SMG6: variants seen among roughly 807,000 people sequenced by gnomAD.
The protein encoded by SMG6 is telomerase-binding protein EST1A.
In SMG6, 66 loss-of-function variants were observed where a neutral mutation model predicts 142.2. The ratio of observed to expected loss-of-function variants is 0.46; its 90% CI spans 0.38 to 0.57. SMG6 has a LOEUF of 0.57. SMG6 is among the 20% of genes least tolerant of loss of function. The pLI is 0.00. For synonymous variants in SMG6, 779 were observed against 702.4 expected, an observed-to-expected ratio of 1.11 and a Z score of -1.72; for missense variants, 1,793 against 1,832.0, an observed-to-expected ratio of 0.98 and a Z score of 0.39.
At chr17:2,081,481 G>C (rs893071532) in intron 15 of SMG6, among the ~76,000 whole-genome samples, 22 of 152,122 alleles carry the variant, frequency 1.4e-4, no homozygotes, top group Admixed American at 3.9e-4. Context: ...ATCTGGATAA[G>C]GCTCAGGGAA....
chr17:2,247,458 A>T (rs903889936), intron 8 of SMG6, among the ~76,000 whole-genome samples: 6 of 152,196 alleles, frequency 3.9e-5, no homozygotes, highest in African/African-American at 1.2e-4. Context: ...GGTTCTATTT[A>T]TATCCTAAGT....
At chr17:2,145,414 G>A (rs1367373550) in intron 13 of SMG6, among the ~76,000 whole-genome samples, 1 of 151,662 alleles carries the variant, frequency 6.6e-6, no homozygotes, top group Non-Finnish European at 1.5e-5. Flanking sequence ...ACTGTGCCCA[G>A]CCTACAGGGA....
rs140314533 is a variant in SMG6 at position 2,290,716 on chromosome 17, A to G, written c.2337+1836T>C. On this transcript the variant is annotated intron_variant, in intron 6 of 18. Transcript: ENST00000263073. ...ATGCAAATCACACACCTGATAAAGG[A>G]CTTGTAACCAAAATATATAAAGAAC... 3.9e-3 allele frequency among the ~76,000 whole-genome samples: 596 copies of G among 152,372 alleles called. 2 individuals are homozygous for G. Among genetic ancestry groups the G allele is most frequent in the Non-Finnish European group, 5.9e-3 (404 of 68,042 alleles).
intron 15 of SMG6, among the ~76,000 whole-genome samples, chr17:2,078,788 G>A (rs1239254581): frequency 2.0e-5 from 3 of 152,110 alleles, no homozygotes; most frequent in Non-Finnish European, 4.4e-5. Flanking sequence ...GTGGTCTGGC[G>A]AACAGGGAGA....
chr17:2,283,800 TGACTCA>T, intron 6 of SMG6, 65 bp from the exon 7 acceptor site: 1 of 1,294,610 alleles, frequency 7.7e-7, no homozygotes, highest in South Asian at 1.2e-5. Flanking sequence ...AAGAGGCAGC[TGACTCA>T]GGAAACCCTA....
At chr17:2,190,781 C>A (rs1013834745) in intron 10 of SMG6, among the ~76,000 whole-genome samples, 2 of 152,188 alleles carry the variant, frequency 1.3e-5, no homozygotes, top group Admixed American at 6.5e-5. Context: ...GGTTATGTCA[C>A]CTCAACTCCC....
In SMG6 at chr17:2,061,807, G is replaced by A. The variant is rs569837323; in HGVS notation, c.4130-185C>T. 5.9e-5 allele frequency: 37 copies of A among 629,684 alleles called. 2 individuals carry two copies. In the Middle Eastern group the frequency reaches 3.1e-3, roughly 53 times the overall value. 39.0% of individuals were successfully genotyped at this position (629,684 alleles called of 1,614,324 possible). ...GGGGACCCTCCCCTGCTGGCCTAGAGAGGGCTGCACTGGGCTTCTGCCTTG... is the reference window on the plus strand; with the variant it reads ...GGGGACCCTCCCCTGCTGGCCTAGAAAGGGCTGCACTGGGCTTCTGCCTTG... On this transcript the variant is annotated intron_variant, in intron 18 of 18. Coordinates refer to ENST00000263073, the MANE Select transcript of SMG6 (RefSeq NM_017575.5).
chr17:2,291,198 G>A (rs1371569330), intron 6 of SMG6, among the ~76,000 whole-genome samples: 5 of 152,164 alleles, frequency 3.3e-5, no homozygotes, highest in Middle Eastern at 3.2e-3. Flanking sequence ...GGGCGTGGTG[G>A]CGGGCGCCTG....
intron 13 of SMG6, among the ~76,000 whole-genome samples, chr17:2,116,267 C>T (rs2069503758): frequency 2.0e-5 from 3 of 151,922 alleles, no homozygotes; most frequent in Admixed American, 2.0e-4. Context: ...TTTGTACAGG[C>T]AGGGTCTTGC....
chr17:2,095,950 C>T (rs942604571), intron 13 of SMG6, among the ~76,000 whole-genome samples: 1 of 151,044 alleles, frequency 6.6e-6, no homozygotes, highest in African/African-American at 2.4e-5. Context: ...AGGCTGTCTG[C>T]TTCCCCTGGC....
chr17:2,144,915 C>T (rs1001479091), intron 13 of SMG6, among the ~76,000 whole-genome samples: 1 of 152,084 alleles, frequency 6.6e-6, no homozygotes, highest in Admixed American at 6.6e-5. Context: ...TCACCATAGT[C>T]CAAGCAGTTT....
chr17:2,083,099 A>G (rs1048847628), intron 14 of SMG6, among the ~76,000 whole-genome samples: 1 of 152,148 alleles, frequency 6.6e-6, no homozygotes, highest in African/African-American at 2.4e-5. Flanking sequence ...TCTGACTCCA[A>G]AGTTTATGCT....
intron 10 of SMG6, among the ~76,000 whole-genome samples, chr17:2,189,025 T>C (rs1325615660): frequency 2.0e-5 from 3 of 152,208 alleles, no homozygotes; most frequent in Non-Finnish European, 4.4e-5. Flanking sequence ...AGTCCCATCC[T>C]TACTTCCTCC....
intron 10 of SMG6, among the ~76,000 whole-genome samples, chr17:2,188,756 G>A (rs759240200): frequency 6.6e-6 from 1 of 152,148 alleles, no homozygotes; most frequent in Non-Finnish European, 1.5e-5. Flanking sequence ...ACTTTCCCAG[G>A]AACGGTTACC....
intron 13 of SMG6, among the ~76,000 whole-genome samples, chr17:2,137,265 A>G (rs1184217373): frequency 6.6e-6 from 1 of 152,210 alleles, no homozygotes; most frequent in Non-Finnish European, 1.5e-5. Flanking sequence ...ATAGGTAGAC[A>G]GGAGAAAAGC....
In SMG6 at chr17:2,198,594, G is replaced by A. The variant is rs141185801; in HGVS notation, c.2870-10079C>T. On this transcript the variant is annotated intron_variant, in intron 10 of 18. Coordinates refer to ENST00000263073, the MANE Select transcript of SMG6 (RefSeq NM_017575.5). The stretch of plus-strand genomic sequence containing the variant: ...CAAGACATGAAAAATGGGGAAGGAC[G>A]GGTGAAGGGTGCATAAGACCTCTCT... 6.6e-5 allele frequency among the ~76,000 whole-genome samples: 10 copies of A among 152,194 alleles called. No individual in the cohort carries two copies. In the East Asian group the frequency reaches 9.6e-4, roughly 15 times the overall value.
At chr17:2,262,109 A>G (rs1042245239) in intron 8 of SMG6, among the ~76,000 whole-genome samples, 6 of 152,192 alleles carry the variant, frequency 3.9e-5, no homozygotes, top group African/African-American at 1.4e-4. Context: ...ATCCATAGCG[A>G]GTATTATCAC....
chr17:2,141,170 C>T (rs947836587), intron 13 of SMG6, among the ~76,000 whole-genome samples: 2 of 152,152 alleles, frequency 1.3e-5, no homozygotes, highest in East Asian at 3.8e-4. Context: ...CAGTGGCTAC[C>T]ATAGAGGATG....
intron 9 of SMG6, among the ~76,000 whole-genome samples, chr17:2,238,548 G>A (rs528595797): frequency 5.3e-5 from 8 of 152,178 alleles, no homozygotes; most frequent in East Asian, 1.9e-4. Context: ...AGCACTTCTC[G>A]TTACGAGAAT....
Sources: allele counts gnomAD v4.1 joint callset (sites outside exome capture counted in the v4.1 genomes callset), GRCh38; gene constraint gnomAD v4.1.1; transcripts MANE v1.5; gene names NCBI Gene and HGNC (gene_info 2026-07-23, HGNC 2026-07-21).